TRHDE: variants seen among roughly 807,000 people sequenced by gnomAD.
The protein encoded by TRHDE is thyrotropin-releasing hormone-degrading ectoenzyme.
Under a neutral mutation model 125.7 loss-of-function variants are expected in TRHDE, and 72 were observed. The observed-to-expected ratio is 0.57, with a 90% CI of 0.47 to 0.70. The LOEUF is 0.70. Ranked by LOEUF, TRHDE falls within the 30% of genes least tolerant of loss-of-function variation. TRHDE has a pLI of 0.00. For synonymous variants in TRHDE, 509 were observed against 509.1 expected (o/e 1.00, Z 0.00); for missense variants, 1,110 against 1,327.1 (o/e 0.84, Z 2.54).
At chr12:72,350,338 C>T (rs1870525483) in intron 2 of TRHDE, among the ~76,000 whole-genome samples, 1 of 152,056 alleles carries the variant, frequency 6.6e-6, no homozygotes, top group South Asian at 2.1e-4. Context: ...AGGATGACAG[C>T]AGTAATGGCG....
chr12:72,519,011 A>C (rs1879034087), intron 6 of TRHDE, among the ~76,000 whole-genome samples: 1 of 152,146 alleles, frequency 6.6e-6, no homozygotes, highest in African/African-American at 2.4e-5. Context: ...CTGCCGAGAG[A>C]TCTGCTGTTA....
upstream of TRHDE, among the ~76,000 whole-genome samples, chr12:72,268,668 C>T (rs1382375498): frequency 6.6e-6 from 1 of 151,858 alleles, no homozygotes; most frequent in Non-Finnish European, 1.5e-5. Context: ...TGAAAAGAAA[C>T]AAAAAAGGCA....
intron 6 of TRHDE, among the ~76,000 whole-genome samples, chr12:72,521,360 A>G (rs1879184988): frequency 6.6e-6 from 1 of 152,202 alleles, no homozygotes; most frequent in Non-Finnish European, 1.5e-5. Flanking sequence ...ATTTGAGCCA[A>G]CAGCATAAGG....
At chr12:72,515,538 T>C (rs1481757634) in intron 6 of TRHDE, among the ~76,000 whole-genome samples, 2 of 152,214 alleles carry the variant, frequency 1.3e-5, no homozygotes, top group African/African-American at 4.8e-5. Context: ...TTCTAGATAT[T>C]AGCCCTTTGT....
chr12:72,395,907 C>A (rs1872767931), intron 3 of TRHDE, among the ~76,000 whole-genome samples: 1 of 152,116 alleles, frequency 6.6e-6, no homozygotes, highest in Non-Finnish European at 1.5e-5. Flanking sequence ...AGCCAATGAC[C>A]TGGATATTTA....
chr12:72,514,072 A>G (rs535582781), intron 6 of TRHDE, among the ~76,000 whole-genome samples: 24 of 152,142 alleles, frequency 1.6e-4, no homozygotes, highest in Non-Finnish European at 2.4e-4. Flanking sequence ...CCAGGATTTA[A>G]TTTAAAATGG....
chr12:72,396,770 CAA>C (rs901447877), intron 3 of TRHDE, among the ~76,000 whole-genome samples: 64 of 152,030 alleles, frequency 4.2e-4, no homozygotes, highest in African/African-American at 1.4e-3. Context: ...AAACAAAAAA[CAA>C]AAAAACTTTA....
intron 5 of TRHDE, among the ~76,000 whole-genome samples, chr12:72,497,898 T>C (rs567689574): frequency 6.6e-6 from 1 of 152,298 alleles, no homozygotes; most frequent in South Asian, 2.1e-4. Context: ...CTACTCTTTT[T>C]AATTTGTCTG....
intron 7 of TRHDE, among the ~76,000 whole-genome samples, chr12:72,553,403 A>G (rs1869767615): frequency 6.6e-6 from 1 of 152,198 alleles, no homozygotes; most frequent in African/African-American, 2.4e-5. Context: ...ATACTCAGGG[A>G]AGAGAAGACA....
intron 2 of TRHDE, among the ~76,000 whole-genome samples, chr12:72,331,649 C>T (rs1353723615): frequency 6.6e-6 from 1 of 152,006 alleles, no homozygotes; most frequent in African/African-American, 2.4e-5. Flanking sequence ...TGGGTGGACC[C>T]AGGTTTATGA....
intron 6 of TRHDE, among the ~76,000 whole-genome samples, chr12:72,527,416 A>G (rs901687566): frequency 6.6e-6 from 1 of 152,140 alleles, no homozygotes; most frequent in African/African-American, 2.4e-5. Flanking sequence ...ATTTAGGGCA[A>G]TTGTGGAATT....
chr12:72,129,938 A>T (rs951161208), intron 2 of TRHDE, among the ~76,000 whole-genome samples: 28 of 152,240 alleles, frequency 1.8e-4, no homozygotes, highest in Admixed American at 2.0e-4. Flanking sequence ...AAAATATTTT[A>T]AAAATTTCTA....
intron 2 of TRHDE, among the ~76,000 whole-genome samples, chr12:72,168,786 T>C (rs1376346090): frequency 6.6e-6 from 1 of 152,196 alleles, no homozygotes; most frequent in Non-Finnish European, 1.5e-5. Flanking sequence ...CAATGTAGAT[T>C]ATTGGCAACT....
intron 6 of TRHDE, among the ~76,000 whole-genome samples, chr12:72,521,370 G>A (rs1342186297): frequency 1.3e-5 from 2 of 152,124 alleles, no homozygotes; most frequent in African/African-American, 4.8e-5. Context: ...ACAGCATAAG[G>A]AGCTCAGAAA....
intron 3 of TRHDE, among the ~76,000 whole-genome samples, chr12:72,391,819 C>G (rs1018212330): frequency 4.6e-5 from 7 of 152,134 alleles, no homozygotes; most frequent in Non-Finnish European, 1.0e-4. Flanking sequence ...ATGTCTGTAG[C>G]AGAAATTTGG....
At chr12:72,159,435 G>A (rs1419310118) in intron 2 of TRHDE, among the ~76,000 whole-genome samples, 1 of 152,156 alleles carries the variant, frequency 6.6e-6, no homozygotes, top group Non-Finnish European at 1.5e-5. Flanking sequence ...ACTAGGCAGC[G>A]ATGAAGCTAA....
intron 5 of TRHDE, among the ~76,000 whole-genome samples, chr12:72,486,585 C>T (rs748055091): frequency 4.9e-4 from 75 of 152,148 alleles, no homozygotes; most frequent in Admixed American, 3.3e-4. Flanking sequence ...ACAGAGACTA[C>T]ACCACTGCAC....
intron 7 of TRHDE, 131 bp downstream of exon 7, chr12:72,542,487 T>G (rs1016009027): frequency 3.4e-6 from 2 of 595,678 alleles, no homozygotes; most frequent in African/African-American, 1.9e-5. Context: ...GCAATGTCTT[T>G]CTATATGACA....
chr12:72,368,369 T>C (rs1324354579), intron 2 of TRHDE, among the ~76,000 whole-genome samples: 1 of 152,174 alleles, frequency 6.6e-6, no homozygotes, highest in Non-Finnish European at 1.5e-5. Flanking sequence ...TTGCATTATA[T>C]TGCAATTATA....
Sources: gnomAD v4.1 joint callset for allele counts (sites outside exome capture counted in the v4.1 genomes callset) on GRCh38, gnomAD v4.1.1 for gene constraint, MANE v1.5 for transcripts, NCBI Gene and HGNC (gene_info 2026-07-23, HGNC 2026-07-21) for gene names.